Variants in REV3L observed in about 807,000 individuals in gnomAD.
REV3L encodes REV3 like, DNA directed polymerase zeta catalytic subunit, also known as DNA polymerase zeta catalytic subunit.
In REV3L, 69 loss-of-function variants were observed where a neutral mutation model predicts 299.4. The observed-to-expected ratio is 0.23, with a 90% CI of 0.19 to 0.28. The LOEUF (loss-of-function observed/expected upper bound fraction) is 0.28. Ranked by LOEUF, REV3L falls within the 10% of genes least tolerant of loss-of-function variation. The probability of loss-of-function intolerance (pLI) is 1.00; values close to 1 mark genes in which losing one functional copy is unlikely to be tolerated. For missense variants in REV3L, 3,128 were observed against 3,693.8 expected, an observed-to-expected ratio of 0.85 and a Z score of 3.97; for synonymous variants, 1,238 against 1,271.4, an observed-to-expected ratio of 0.97 and a Z score of 0.56.
rs146579217 is a variant in REV3L at position 111,420,870 on chromosome 6, G to C, written c.140-4398C>G. ...AAACATTAAGTCCTTGGCTGGGCAT[G>C]GTGGCTCACGCCTGTAATCCCAGCA... On this transcript the variant is annotated intron_variant, in intron 1 of 31. Coordinates refer to ENST00000368802, the MANE Select transcript of REV3L (RefSeq NM_001372078.1). Among the ~76,000 whole-genome samples the C allele has an allele frequency of 2.3e-4, 35 of 152,282 alleles. No homozygotes were observed. In the East Asian group the frequency reaches 6.8e-3, roughly 29 times the overall value.
intron 3 of REV3L, among the ~76,000 whole-genome samples, chr6:111,410,331 A>G (rs979570903): frequency 2.0e-5 from 3 of 152,270 alleles, no homozygotes; most frequent in Non-Finnish European, 4.4e-5. Context: ...AGAACAGTTT[A>G]GTGTTTGCTA....
rs1432176781 is a variant in REV3L, at chr6:111,389,204, A to G, written c.764T>C (p.Ile255Thr). 5 of 1,612,700 alleles carry G rather than the reference A, an allele frequency of 3.1e-6. No homozygotes were observed. Among genetic ancestry groups the G allele is most frequent in the Non-Finnish European group, 4.2e-6 (5 of 1,179,082 alleles). ...ILNRLDIEAQ[I>T]GGNPGLQAIW... ...GGCCTGTAGACCAGGGTTTCCACCA[A>G]TTTGAGCTGTAATCACAATAATACT... Residue 255 changes from isoleucine (I) to threonine (T), a missense_variant, in exon 7 of 32, where the codon ATT (isoleucine) becomes ACT (threonine). Physicochemically the swap from Ile to Thr is moderately conservative, Grantham distance 89 (BLOSUM62 -1). Around this residue, in one of 9 missense-constraint regions of REV3L, gnomAD observed 2,409 missense variants for 2,611.8 expected, o/e 0.92. Transcript: ENST00000368802.
At chr6:111,340,452 A>C (rs1562147735) in intron 21 of REV3L, among the ~76,000 whole-genome samples, 5 of 152,120 alleles carry the variant, frequency 3.3e-5, no homozygotes, top group Non-Finnish European at 5.9e-5. Flanking sequence ...TTGGGAACAT[A>C]ATTCATTCAT....
At chr6:111,434,561 GTGAGCCAAGAT>G (rs1395040515) in intron 1 of REV3L, among the ~76,000 whole-genome samples, 3 of 151,440 alleles carry the variant, frequency 2.0e-5, no homozygotes, top group African/African-American at 7.3e-5. Context: ...GGAGCTTGCA[GTGAGCCAAGAT>G]TGTGCCACTG....
intron 25 of REV3L, among the ~76,000 whole-genome samples, chr6:111,326,059 A>G (rs1774761091): frequency 6.6e-6 from 1 of 152,112 alleles, no homozygotes; most frequent in Non-Finnish European, 1.5e-5. Flanking sequence ...ACTTAGCATA[A>G]TGTCCTTCAG....
intron 1 of REV3L, among the ~76,000 whole-genome samples, chr6:111,442,622 T>TA (rs1484388445): frequency 1.3e-5 from 2 of 152,236 alleles, no homozygotes; most frequent in South Asian, 2.1e-4. Flanking sequence ...ATTTAAGTAA[T>TA]AAGGTTTGAG....
chr6:111,359,650 C>G (rs1778446500), intron 16 of REV3L, among the ~76,000 whole-genome samples: 1 of 150,430 alleles, frequency 6.6e-6, no homozygotes, highest in African/African-American at 2.4e-5. Flanking sequence ...GCTTATTTTT[C>G]TATGCCAATA....
chr6:111,401,448 T>C (rs1255464743), intron 4 of REV3L, among the ~76,000 whole-genome samples: 5 of 152,214 alleles, frequency 3.3e-5, no homozygotes, highest in Admixed American at 3.3e-4. Context: ...TCACATACTT[T>C]GGTTTACTGT....
At position 111,372,749 on chromosome 6, in the gene REV3L, C is replaced by A. The variant is rs56347161; in HGVS notation, c.5606G>T (p.Ser1869Ile). 333 of 1,612,372 alleles carry A rather than the reference C, an allele frequency of 2.1e-4. No individual in the cohort carries two copies. The African/African-American group carries it at 3.9e-3, about 19-fold the overall frequency. ...TSSPSQSKNG[S>I]FTPRTANILK... is the part of the protein sequence containing the mutation. ...AATGTTAGCAGTTCGAGGGGTGAAG[C>A]TGCCATTTTTAGATTGTGAAGGAGA... The change falls in exon 13 of 32, where the codon AGC (serine) becomes ATC (isoleucine). Residue 1869 changes from serine to isoleucine, a missense_variant. This residue lies in a region of REV3L where 2,409 missense variants were observed against 2,611.8 expected (regional missense o/e 0.92). Coordinates refer to ENST00000368802, the MANE Select transcript of REV3L (RefSeq NM_001372078.1).
chr6:111,433,276 A>T (rs149059211), intron 1 of REV3L, among the ~76,000 whole-genome samples: 2 of 152,226 alleles, frequency 1.3e-5, no homozygotes, highest in African/African-American at 4.8e-5. Context: ...TAAAAAGACA[A>T]ACAAAATTAA....
At position 111,299,936 on chromosome 6, in the gene REV3L, A is replaced by C. The variant is rs747632196; in HGVS notation, c.*80T>G. 2.2e-6 allele frequency: 3 copies of C among 1,377,272 alleles called. No individual in the cohort carries two copies. The highest frequency in any genetic ancestry group is 3.0e-6 in the Non-Finnish European group (3 of 1,014,964). The allele number at this position is 1,377,272 out of a possible 1,614,324, so 85.3% of individuals were successfully genotyped here. ...ACAGTGAACATCCTTGACTCGATGA[A>C]AGTTAAAAAGCACCATGCACAACAG... On this transcript the variant is annotated 3_prime_UTR_variant, in exon 32 of 32. Transcript: ENST00000368802.
rs536179778 is a variant in REV3L at position 111,403,204 on chromosome 6, T to G, written c.565+2266A>C. Among the ~76,000 whole-genome samples, 5 of 152,090 alleles carry G rather than the reference T, an allele frequency of 3.3e-5. No individual in the cohort carries two copies. In the East Asian group the frequency reaches 9.7e-4, roughly 29 times the overall value. ...TGGGCAAATATACAGAGACCAAAAGTAGATTAGTAAGGTTGCTCAGGAGTG... is the reference window on the plus strand; with the variant it reads ...TGGGCAAATATACAGAGACCAAAAGGAGATTAGTAAGGTTGCTCAGGAGTG... On this transcript the variant is annotated intron_variant, in intron 4 of 31. Coordinates refer to ENST00000368802, the MANE Select transcript of REV3L (RefSeq NM_001372078.1).
intron 1 of REV3L, among the ~76,000 whole-genome samples, chr6:111,421,114 C>T (rs1015205390): frequency 2.0e-5 from 3 of 152,006 alleles, no homozygotes; most frequent in Non-Finnish European, 4.4e-5. Flanking sequence ...GGAGACAGAG[C>T]GAGACTCCAT....
chr6:111,392,836 T>C, intron 5 of REV3L, 40 bp downstream of exon 5: 1 of 1,248,046 alleles, frequency 8.0e-7, no homozygotes, highest in Non-Finnish European at 1.2e-6. Flanking sequence ...ACAACTAGGA[T>C]ATATGTAAAA....
At chr6:111,482,687 G>T in intron 1 of REV3L, 63 bp downstream of exon 1, 1 of 1,062,612 alleles carries the variant, frequency 9.4e-7, no homozygotes, top group Non-Finnish European at 1.2e-6. Context: ...TGTGCGCGGC[G>T]GGGAGGGCGG....
At chr6:111,430,947 C>A in intron 1 of REV3L, 1 of 1,588,692 alleles carries the variant, frequency 6.3e-7, no homozygotes, top group South Asian at 1.2e-5. Flanking sequence ...GGAATGACAA[C>A]TGGAAGACTT....
Position 111,333,281 on chromosome 6 carries a change from C to A in REV3L, c.7767G>T (p.Met2589Ile). The A allele has an allele frequency of 6.2e-7, 1 of 1,614,056 alleles. No homozygotes were observed. The highest frequency in any genetic ancestry group is 1.1e-5 in the South Asian group (1 of 91,078). Residue 2589 changes from methionine to isoleucine, a missense_variant, in exon 23 of 32, where the codon ATG becomes ATT. Physicochemically the swap from Met to Ile is conservative, Grantham distance 10. Coordinates refer to ENST00000368802, the MANE Select transcript of REV3L (RefSeq NM_001372078.1). ...TTAGAGGAACACACTGTGGGGCTCTCATCTGGGATCTTTGCTGAACACTAG... is the reference window on the plus strand; with the variant it reads ...TTAGAGGAACACACTGTGGGGCTCTAATCTGGGATCTTTGCTGAACACTAG... ...VTPSVQQRSQ[M>I]RAPQCVPLIM...
intron 16 of REV3L, among the ~76,000 whole-genome samples, chr6:111,359,263 A>G (rs2114987290): frequency 6.6e-6 from 1 of 152,262 alleles, no homozygotes; most frequent in African/African-American, 2.4e-5. Flanking sequence ...TATTTTTCTC[A>G]AATATATGCA....
intron 7 of REV3L, 116 bp from the exon 8 acceptor site, chr6:111,388,201 A>G: frequency 3.0e-6 from 2 of 655,870 alleles, no homozygotes. Flanking sequence ...CTAGATATAC[A>G]TAATACAACC....
Sources: allele counts gnomAD v4.1 joint callset (sites outside exome capture counted in the v4.1 genomes callset), GRCh38; gene constraint gnomAD v4.1.1; regional missense constraint gnomAD v4.1.1; transcripts MANE v1.5; gene names NCBI Gene and HGNC (gene_info 2026-07-23, HGNC 2026-07-21).